KLF8: variants seen among roughly 807,000 people sequenced by gnomAD.
KLF8 encodes the protein Krueppel-like factor 8.
A neutral mutation model predicts 18.2 loss-of-function variants in KLF8; 10 were observed. The observed-to-expected ratio is 0.55, with a 90% confidence interval of 0.34 to 0.93. KLF8 has a LOEUF of 0.93. Ranked by LOEUF, KLF8 falls within the 40% of genes least tolerant of loss-of-function variation. The pLI is 0.02. For missense variants in KLF8, 264 were observed against 277.9 expected (o/e 0.95, Z 0.36); for synonymous variants, 109 against 97.3 (o/e 1.12, Z -0.71).
At chrX:56,077,117 T>C in the KLF8 span, among the ~76,000 whole-genome samples, 2 of 112,064 alleles carry the variant, frequency 1.8e-5, no homozygotes, top group African/African-American at 6.5e-5. Context: ...TGGAAGTTTC[T>C]TTGGCTGTGC....
At chrX:56,087,356 C>T in the KLF8 span, among the ~76,000 whole-genome samples, 2 of 110,510 alleles carry the variant, frequency 1.8e-5, no homozygotes, top group East Asian at 5.7e-4. Flanking sequence ...TGGTTTAGCC[C>T]CATCCCCTTG....
the KLF8 span, among the ~76,000 whole-genome samples, chrX:56,105,086 G>T: frequency 0.014 from 1,572 of 111,935 alleles, 31 homozygotes; most frequent in African/African-American, 0.048. Flanking sequence ...GAGACAGTTT[G>T]TTGTGATTTG....
chrX:55,951,698 G>C, the KLF8 span, among the ~76,000 whole-genome samples: 1 of 109,592 alleles, frequency 9.1e-6, no homozygotes, highest in South Asian at 4.1e-4. Flanking sequence ...TTTGGAGGGG[G>C]TGAGGACTGC....
At chrX:55,973,576 C>T in the KLF8 span, among the ~76,000 whole-genome samples, 887 of 112,030 alleles carry the variant, frequency 7.9e-3, 10 homozygotes, top group Admixed American at 0.015. Flanking sequence ...TACATGCTAT[C>T]AACAAGCATA....
chrX:56,215,193 G>C, the KLF8 span, among the ~76,000 whole-genome samples: 1 of 111,407 alleles, frequency 9.0e-6, no homozygotes, highest in Non-Finnish European at 1.9e-5. Context: ...TGTTATTAAG[G>C]GAATGTAAGT....
the KLF8 span, among the ~76,000 whole-genome samples, chrX:56,076,681 G>C: frequency 9.0e-6 from 1 of 111,502 alleles, no homozygotes; most frequent in Non-Finnish European, 1.9e-5. Flanking sequence ...GGGTCAAATG[G>C]TATTTCCAGT....
the KLF8 span, among the ~76,000 whole-genome samples, chrX:56,134,285 A>C: frequency 2.7e-5 from 3 of 112,172 alleles, no homozygotes; most frequent in Non-Finnish European, 5.6e-5. Context: ...GGCCATAGTC[A>C]TCAAAACAGA....
At chrX:56,057,948 G>A in the KLF8 span, among the ~76,000 whole-genome samples, 1 of 106,985 alleles carries the variant, frequency 9.3e-6, no homozygotes, top group Non-Finnish European at 1.9e-5. Flanking sequence ...CATTCAAGAA[G>A]CCAATGGAGA....
chrX:56,190,872 G>A, the KLF8 span, among the ~76,000 whole-genome samples: 1 of 111,413 alleles, frequency 9.0e-6, no homozygotes, highest in African/African-American at 3.2e-5. Flanking sequence ...GACAAGGTAA[G>A]CTTTAAATAA....
chrX:56,152,525 G>C, the KLF8 span, among the ~76,000 whole-genome samples: 2 of 111,098 alleles, frequency 1.8e-5, no homozygotes, highest in East Asian at 5.7e-4. Flanking sequence ...AATAATAGAG[G>C]AGGGATGGCA....
At chrX:55,953,939 GTA>G in the KLF8 span, among the ~76,000 whole-genome samples, 1 of 108,527 alleles carries the variant, frequency 9.2e-6, no homozygotes, top group Admixed American at 9.9e-5. Context: ...ATATATATAT[GTA>G]TATATATATG....
chrX:56,037,302 G>A, the KLF8 span, among the ~76,000 whole-genome samples: 2 of 110,967 alleles, frequency 1.8e-5, no homozygotes, highest in African/African-American at 6.5e-5. Flanking sequence ...TCATTTGTTG[G>A]TGGATTCCAT....
At chrX:56,134,776 A>G in the KLF8 span, among the ~76,000 whole-genome samples, 1 of 110,996 alleles carries the variant, frequency 9.0e-6, no homozygotes, top group African/African-American at 3.3e-5. Flanking sequence ...AATATCCAGA[A>G]TCTACAAGGG....
the KLF8 span, among the ~76,000 whole-genome samples, chrX:56,147,847 G>A: frequency 8.9e-6 from 1 of 111,849 alleles, no homozygotes; most frequent in Non-Finnish European, 1.9e-5. Context: ...GCAAGGTGGT[G>A]CACATCTGTA....
At chrX:56,214,507 G>A in the KLF8 span, among the ~76,000 whole-genome samples, 1 of 112,372 alleles carries the variant, frequency 8.9e-6, no homozygotes, top group Non-Finnish European at 1.9e-5. Context: ...TATCACAGAT[G>A]TAATTAAGTT....
chrX:55,955,854 C>A, the KLF8 span, among the ~76,000 whole-genome samples: 1 of 111,509 alleles, frequency 9.0e-6, no homozygotes, highest in East Asian at 2.8e-4. Context: ...AGCTTTAGAA[C>A]GTAAATCATA....
At chrX:55,997,904 A>G in the KLF8 span, among the ~76,000 whole-genome samples, 1 of 110,343 alleles carries the variant, frequency 9.1e-6, no homozygotes, top group Admixed American at 9.6e-5. Flanking sequence ...CGTTCAGCAT[A>G]TGGAGGATCC....
At chrX:56,063,055 G>T in the KLF8 span, among the ~76,000 whole-genome samples, 58 of 110,975 alleles carry the variant, frequency 5.2e-4, no homozygotes, top group African/African-American at 1.9e-3. Flanking sequence ...ATTCTAGTTA[G>T]CATTTCCTCT....
At chrX:56,076,438 A>G in the KLF8 span, among the ~76,000 whole-genome samples, 2 of 109,582 alleles carry the variant, frequency 1.8e-5, no homozygotes, top group African/African-American at 6.7e-5. Flanking sequence ...ATGATTTCCA[A>G]TTTCATCCAT....
Sources: gnomAD v4.1 joint callset for allele counts (sites outside exome capture counted in the v4.1 genomes callset) on GRCh38, gnomAD v4.1.1 for gene constraint, MANE v1.5 for transcripts, NCBI Gene and HGNC (gene_info 2026-07-23, HGNC 2026-07-21) for gene names.